Variants in TMEM117 observed in about 807,000 individuals in gnomAD.
The protein encoded by TMEM117 is transmembrane protein 117.
Under a neutral mutation model 52.4 loss-of-function variants are expected in TMEM117, and 27 were observed. That is an observed-to-expected ratio of 0.51 (90% CI 0.38 to 0.71). The LOEUF (loss-of-function observed/expected upper bound fraction) is 0.71. Among genes scored for constraint, TMEM117 ranks in the 30% least tolerant of loss-of-function variants. The pLI is 0.00. For missense variants in TMEM117, 556 were observed against 630.5 expected, an observed-to-expected ratio of 0.88 and a Z score of 1.26; for synonymous variants, 215 against 206.3, an observed-to-expected ratio of 1.04 and a Z score of -0.36.
At chr12:44,165,233 A>G (rs1948950363) in intron 4 of TMEM117, among the ~76,000 whole-genome samples, 1 of 152,146 alleles carries the variant, frequency 6.6e-6, no homozygotes, top group Non-Finnish European at 1.5e-5. Context: ...ACAAATATCA[A>G]AGAGACAGGA....
chr12:43,807,614 A>T, the TMEM117 span, among the ~76,000 whole-genome samples: 2 of 152,198 alleles, frequency 1.3e-5, no homozygotes, highest in African/African-American at 4.8e-5. Flanking sequence ...GCTTCGGGGA[A>T]ATTGCTTAAG....
intron 6 of TMEM117, among the ~76,000 whole-genome samples, chr12:44,344,713 C>T (rs1951461606): frequency 6.6e-6 from 1 of 152,064 alleles, no homozygotes. Flanking sequence ...CTAAGCTCAT[C>T]TGTCAGTAAA....
chr12:44,327,031 T>C (rs920810012), intron 6 of TMEM117, among the ~76,000 whole-genome samples: 1 of 152,208 alleles, frequency 6.6e-6, no homozygotes, highest in African/African-American at 2.4e-5. Flanking sequence ...ATTAAAAAAC[T>C]TGATAAAGTA....
intron 2 of TMEM117, among the ~76,000 whole-genome samples, chr12:43,935,621 A>G (rs932476883): frequency 2.7e-4 from 41 of 152,348 alleles, no homozygotes; most frequent in African/African-American, 9.6e-4. Flanking sequence ...TCTCTCACTG[A>G]CAAAGCAAAT....
chr12:43,939,729 T>G (rs1945013059), intron 2 of TMEM117, among the ~76,000 whole-genome samples: 1 of 152,232 alleles, frequency 6.6e-6, no homozygotes, highest in South Asian at 2.1e-4. Context: ...ACTAGCTTAG[T>G]TTGATAACTC....
intron 1 of TMEM117, among the ~76,000 whole-genome samples, chr12:43,837,811 T>C (rs1421810930): frequency 6.6e-6 from 1 of 152,242 alleles, no homozygotes; most frequent in African/African-American, 2.4e-5. Flanking sequence ...TACTTTGCTT[T>C]TGGAGTTGCT....
At chr12:44,090,562 G>A (rs764204935) in intron 3 of TMEM117, among the ~76,000 whole-genome samples, 51 of 151,720 alleles carry the variant, frequency 3.4e-4, no homozygotes, top group Middle Eastern at 3.4e-3. Context: ...TCGGCCTCCC[G>A]AGTAGCTGGG....
At chr12:43,989,649 G>C (rs376268169) in intron 3 of TMEM117, among the ~76,000 whole-genome samples, 5 of 152,072 alleles carry the variant, frequency 3.3e-5, no homozygotes, top group East Asian at 3.9e-4. Context: ...TGTTTTCTCT[G>C]TTAGGGGATG....
At chr12:44,197,755 T>G (rs1949440346) in intron 4 of TMEM117, among the ~76,000 whole-genome samples, 1 of 152,190 alleles carries the variant, frequency 6.6e-6, no homozygotes, top group Non-Finnish European at 1.5e-5. Context: ...TCTAAATGCT[T>G]CTTTATTCTG....
intron 2 of TMEM117, among the ~76,000 whole-genome samples, chr12:43,917,854 T>A (rs1944631024): frequency 6.6e-6 from 1 of 152,186 alleles, no homozygotes; most frequent in South Asian, 2.1e-4. Flanking sequence ...GTCACCCTCT[T>A]GCACAGACTT....
At chr12:44,023,165 T>A (rs930290576) in intron 3 of TMEM117, among the ~76,000 whole-genome samples, 2 of 152,234 alleles carry the variant, frequency 1.3e-5, no homozygotes, top group Non-Finnish European at 2.9e-5. Flanking sequence ...CTTCATTTTT[T>A]ATGGCTGCAT....
chr12:43,800,793 C>A, the TMEM117 span, among the ~76,000 whole-genome samples: 110 of 152,270 alleles, frequency 7.2e-4, no homozygotes, highest in African/African-American at 2.5e-3. Context: ...TCTTGTTGCC[C>A]AGGCTGGAGT....
intron 2 of TMEM117, among the ~76,000 whole-genome samples, chr12:43,880,424 C>G (rs1943876901): frequency 6.6e-6 from 1 of 151,686 alleles, no homozygotes; most frequent in Admixed American, 6.6e-5. Flanking sequence ...AAAGAAAAAT[C>G]AGCCTGTCAG....
At chr12:44,045,989 T>G (rs1946875865) in intron 3 of TMEM117, among the ~76,000 whole-genome samples, 1 of 152,220 alleles carries the variant, frequency 6.6e-6, no homozygotes, top group South Asian at 2.1e-4. Context: ...CAACATGAAC[T>G]AGGTGACGAT....
intron 6 of TMEM117, among the ~76,000 whole-genome samples, chr12:44,326,463 G>C (rs987597527): frequency 6.6e-6 from 1 of 152,108 alleles, no homozygotes; most frequent in African/African-American, 2.4e-5. Context: ...TGATATTAGA[G>C]GACTGATGGA....
intron 4 of TMEM117, among the ~76,000 whole-genome samples, chr12:44,168,415 A>G (rs978168112): frequency 1.2e-4 from 19 of 152,256 alleles, no homozygotes; most frequent in African/African-American, 4.6e-4. Context: ...TTTTCTTTAT[A>G]ACTTCTTATG....
At chr12:44,004,130 G>C (rs924188514) in intron 3 of TMEM117, among the ~76,000 whole-genome samples, 8 of 152,138 alleles carry the variant, frequency 5.3e-5, no homozygotes, top group African/African-American at 1.9e-4. Flanking sequence ...ATAAATAATT[G>C]ATCTCTCAAA....
chr12:43,887,127 G>A (rs1944010594), intron 2 of TMEM117, among the ~76,000 whole-genome samples: 1 of 152,172 alleles, frequency 6.6e-6, no homozygotes, highest in Admixed American at 6.5e-5. Flanking sequence ...GGGATTACAG[G>A]TGTGTGCCAC....
At chr12:44,347,440 C>G (rs1238370579) in intron 6 of TMEM117, among the ~76,000 whole-genome samples, 1 of 152,018 alleles carries the variant, frequency 6.6e-6, no homozygotes, top group Non-Finnish European at 1.5e-5. Context: ...CTGAATGATT[C>G]CTATCTTTCA....
Sources: gnomAD v4.1 joint callset for allele counts (sites outside exome capture counted in the v4.1 genomes callset) on GRCh38, gnomAD v4.1.1 for gene constraint, MANE v1.5 for transcripts, NCBI Gene and HGNC (gene_info 2026-07-23, HGNC 2026-07-21) for gene names.